DNAI4: variants seen among roughly 807,000 people sequenced by gnomAD.
DNAI4 encodes dynein axonemal intermediate chain 4.
Under a neutral mutation model 105.8 loss-of-function variants are expected in DNAI4, and 85 were observed. The ratio of observed to expected loss-of-function variants is 0.80; its 90% CI spans 0.67 to 0.96. The LOEUF (loss-of-function observed/expected upper bound fraction) is 0.96. Ranked by LOEUF, DNAI4 falls within the 40% of genes least tolerant of loss-of-function variation. The probability of loss-of-function intolerance (pLI) is 0.00; values close to 1 mark genes in which losing one functional copy is unlikely to be tolerated. For synonymous variants in DNAI4, 352 were observed against 331.5 expected, an observed-to-expected ratio of 1.06 and a Z score of -0.67; for missense variants, 1,014 against 1,005.6, an observed-to-expected ratio of 1.01 and a Z score of -0.11.
Position 66,887,283 on chromosome 1 carries a change from A to G in DNAI4, c.643+3871T>C, listed in dbSNP as rs115231317. Among the ~76,000 whole-genome samples, 659 of 152,318 alleles carry G rather than the reference A, an allele frequency of 4.3e-3. 2 individuals carry two copies. The highest frequency in any genetic ancestry group is 0.015 in the African/African-American group (605 of 41,560). On this transcript the variant is annotated intron_variant, in intron 4 of 16. Transcript: ENST00000371026. ...GGAACTGTATTTCTCTGGATTGTCTATCTCTCTAGATCTTAAGGTGGCAGT... is the reference window on the plus strand; with the variant it reads ...GGAACTGTATTTCTCTGGATTGTCTGTCTCTCTAGATCTTAAGGTGGCAGT...
chr1:66,886,296 T>C (rs1647198516), intron 4 of DNAI4, among the ~76,000 whole-genome samples: 2 of 152,226 alleles, frequency 1.3e-5, no homozygotes, highest in South Asian at 4.1e-4. Context: ...TAAAATGCCC[T>C]GTGCCATAGT....
At chr1:66,830,061 G>C (rs1645834337) in intron 13 of DNAI4, among the ~76,000 whole-genome samples, 1 of 151,950 alleles carries the variant, frequency 6.6e-6, no homozygotes. Context: ...TGCTGCTAAA[G>C]CAATACTTAG....
chr1:66,831,179 T>C (rs1374557161), intron 13 of DNAI4, among the ~76,000 whole-genome samples: 1 of 151,944 alleles, frequency 6.6e-6, no homozygotes, highest in Non-Finnish European at 1.5e-5. Context: ...GATTTTGTAG[T>C]TAAAAATTAA....
intron 2 of DNAI4, among the ~76,000 whole-genome samples, chr1:66,894,562 A>G (rs1220825211): frequency 1.3e-5 from 2 of 152,156 alleles, no homozygotes; most frequent in South Asian, 4.1e-4. Flanking sequence ...TAAAAAAAAC[A>G]TTCCCAGCCC....
intron 16 of DNAI4, among the ~76,000 whole-genome samples, chr1:66,816,355 A>G (rs1213981620): frequency 6.6e-6 from 1 of 152,116 alleles, no homozygotes; most frequent in African/African-American, 2.4e-5. Context: ...ATGAAATCAT[A>G]AGGCTTCCAA....
At chr1:66,823,403 T>C (rs1645677064) in intron 15 of DNAI4, among the ~76,000 whole-genome samples, 1 of 152,170 alleles carries the variant, frequency 6.6e-6, no homozygotes, top group African/African-American at 2.4e-5. Flanking sequence ...ACATGATTTA[T>C]AGTCCTTTAG....
chr1:66,917,478 C>T (rs559963048), intron 1 of DNAI4, among the ~76,000 whole-genome samples: 6 of 152,238 alleles, frequency 3.9e-5, no homozygotes, highest in African/African-American at 1.4e-4. Context: ...AAAAAACTTG[C>T]AGGATTCTCA....
intron 8 of DNAI4, among the ~76,000 whole-genome samples, chr1:66,841,534 T>C (rs1304821363): frequency 6.6e-6 from 1 of 152,172 alleles, no homozygotes; most frequent in Middle Eastern, 3.2e-3. Context: ...TAAATTTATT[T>C]ATTTTTATTT....
chr1:66,922,912 G>A (rs1373667636), intron 1 of DNAI4, among the ~76,000 whole-genome samples: 1 of 152,116 alleles, frequency 6.6e-6, no homozygotes, highest in East Asian at 1.9e-4. Flanking sequence ...TAACATTTGT[G>A]AATCATCATT....
At chr1:66,920,330 C>A (rs535538250) in intron 1 of DNAI4, among the ~76,000 whole-genome samples, 1 of 152,246 alleles carries the variant, frequency 6.6e-6, no homozygotes, top group African/African-American at 2.4e-5. Flanking sequence ...ACAATAAAAT[C>A]CCCTGCATTT....
At chr1:66,850,012 C>T (rs1353250104) in intron 7 of DNAI4, among the ~76,000 whole-genome samples, 1 of 151,790 alleles carries the variant, frequency 6.6e-6, no homozygotes, top group Non-Finnish European at 1.5e-5. Flanking sequence ...GAAATAATAG[C>T]TGAAAACTTC....
chr1:66,844,525 T>C (rs1646228763), intron 8 of DNAI4, among the ~76,000 whole-genome samples: 1 of 152,046 alleles, frequency 6.6e-6, no homozygotes. Flanking sequence ...ATAGAGCCAT[T>C]GCACTCCAGT....
At chr1:66,920,534 C>A (rs1325022197) in intron 1 of DNAI4, among the ~76,000 whole-genome samples, 1 of 152,122 alleles carries the variant, frequency 6.6e-6, no homozygotes, top group Non-Finnish European at 1.5e-5. Context: ...GGATACCCTC[C>A]CCTAGATACT....
chr1:66,832,676 T>C (rs1211684933), intron 13 of DNAI4, among the ~76,000 whole-genome samples: 1 of 152,164 alleles, frequency 6.6e-6, no homozygotes, highest in Non-Finnish European at 1.5e-5. Flanking sequence ...TATAATTGGA[T>C]TGTTTGTAAC....
rs772669325 is a variant in DNAI4 at position 66,822,439 on chromosome 1, G to C, written c.2418C>G (p.Cys806Trp). The C allele has an allele frequency of 2.7e-5, 43 of 1,613,382 alleles. 1 individual carries two copies. The South Asian group carries it at 4.5e-4, about 17-fold the overall frequency. The change falls in exon 16 of 17, where the codon TGC (cysteine) becomes TGG (tryptophan). Residue 806 changes from cysteine to tryptophan, a missense_variant. Transcript: ENST00000371026. ...TTILFAKQTD[C>W]LLVGDSDGQV... ...GTCCATCACTGTCTCCTACCAGAAG[G>C]CAATCTGTTTGTTTGGCAAAGAGAA...
chr1:66,874,858 T>C lies in DNAI4; in HGVS notation c.723A>G (p.Thr241=). ...CAAAAAATCTCAGTGTTTCTGTCTC[T>C]GTGAGTATTATCTCTATATTCTTCT... ...DLEKNIEIIL[T]ETETLRFFDL... is the part of the protein sequence containing the mutation. Residue 241 remains threonine, a synonymous_variant, in exon 5 of 17, where the codon ACA becomes ACG. Transcript: ENST00000371026. The C allele has an allele frequency of 6.2e-7, 1 of 1,613,824 alleles. No homozygotes were observed. The highest frequency in any genetic ancestry group is 8.5e-7 in the Non-Finnish European group (1 of 1,179,778).
chr1:66,859,222 TA>T (rs1315304573), intron 7 of DNAI4, among the ~76,000 whole-genome samples: 1 of 152,112 alleles, frequency 6.6e-6, no homozygotes, highest in African/African-American at 2.4e-5. Context: ...AATATCACAT[TA>T]GGGGGTTGTA....
chr1:66,875,521 C>A (rs1050007235), intron 4 of DNAI4, among the ~76,000 whole-genome samples: 9 of 152,028 alleles, frequency 5.9e-5, no homozygotes, highest in Admixed American at 5.2e-4. Flanking sequence ...GGCCATAAAC[C>A]TTTAGGACAG....
intron 4 of DNAI4, among the ~76,000 whole-genome samples, chr1:66,878,975 T>C (rs1195439698): frequency 1.3e-5 from 2 of 152,230 alleles, no homozygotes; most frequent in African/African-American, 4.8e-5. Flanking sequence ...GGCAGTTTGA[T>C]TCTTTTGTTA....
Sources: gnomAD v4.1 joint callset for allele counts (sites outside exome capture counted in the v4.1 genomes callset) on GRCh38, gnomAD v4.1.1 for gene constraint, MANE v1.5 for transcripts, NCBI Gene and HGNC (gene_info 2026-07-23, HGNC 2026-07-21) for gene names.